TTC16: variants seen among roughly 807,000 people sequenced by gnomAD.
TTC16 encodes tetratricopeptide repeat domain 16.
TTC16 carries 66 observed loss-of-function variants against 80.4 expected under a neutral mutation model. The observed-to-expected ratio is 0.82, with a 90% CI of 0.67 to 1.01. The LOEUF (loss-of-function observed/expected upper bound fraction) is 1.01. Among genes scored for constraint, TTC16 ranks in the 50% least tolerant of loss-of-function variants. TTC16 has a pLI of 0.00. For synonymous variants in TTC16, 438 were observed against 451.3 expected (o/e 0.97, Z 0.37); for missense variants, 1,070 against 1,103.2 (o/e 0.97, Z 0.43).
rs1356640179 is a variant in TTC16 at position 127,723,178 on chromosome 9, G to A, written c.717G>A (p.Gln239=). The part of the protein sequence containing the change: ...SALLLNPKHP[Q]ARMLLQKMVA... ...TGCTGTTGAATCCCAAGCACCCGCA[G>A]GCCAGGATGCTGCTCCAGAAGATGG... is the stretch of plus-strand genomic sequence containing the variant. Residue 239 remains glutamine, a synonymous_variant, in exon 7 of 14, where the codon CAG becomes CAA. Coordinates refer to ENST00000373289, the MANE Select transcript of TTC16 (RefSeq NM_144965.3). The A allele has an allele frequency of 6.2e-7, 1 of 1,612,718 alleles. No individual in the cohort carries two copies. Among genetic ancestry groups the A allele is most frequent in the African/African-American group, 1.3e-5 (1 of 74,936 alleles).
In TTC16 at chr9:127,716,764, C is replaced by T. The variant is rs1056757310; in HGVS notation, c.19-80C>T. ...GCCTCATTTCCGCCTCTCCTCCCTC[C>T]CTGCAGAATGCTGGGGAGTGTGTCA... On this transcript the variant is annotated intron_variant, in intron 1 of 13. Transcript: ENST00000373289. The T allele has an allele frequency of 2.9e-5, 44 of 1,511,176 alleles. No homozygotes were observed. The African/African-American group carries it at 5.3e-4, about 18-fold the overall frequency. The allele number at this position is 1,511,176 out of a possible 1,614,324, so 93.6% of individuals were successfully genotyped here.
At chr9:127,724,626 G>A in intron 8 of TTC16, 130 bp from the exon 9 acceptor site, 1 of 1,311,864 alleles carries the variant, frequency 7.6e-7, no homozygotes, top group Non-Finnish European at 1.0e-6. Context: ...AAACTAGAGA[G>A]GACGGAGACT....
rs1187571613 is a variant in TTC16, at chr9:127,724,262, G to C, written c.1015G>C (p.Val339Leu). The change falls in exon 8 of 14, where the codon GTG (valine) becomes CTG (leucine). Residue 339 changes from valine (V) to leucine (L), a missense_variant. Coordinates refer to ENST00000373289, the MANE Select transcript of TTC16 (RefSeq NM_144965.3). ...QLLLTYNDFA[V>L]HCYRQGAYQE... Reference sequence around the variant, plus strand: ...GTTGCTGACCTACAACGACTTTGCCGTGCACTGCTACAGGCAGGGCGCCTA... The same window carrying C: ...GTTGCTGACCTACAACGACTTTGCCCTGCACTGCTACAGGCAGGGCGCCTA... The C allele has an allele frequency of 6.2e-7, 1 of 1,613,066 alleles. No homozygotes were observed. The highest frequency in any genetic ancestry group is 1.1e-5 in the South Asian group (1 of 91,084).
rs754639544 is a variant in TTC16, at chr9:127,724,324, G to C, written c.1077G>C (p.Arg359=). The part of the protein sequence containing the change: ...EGVLLLNKAL[R]DEQQEKGLYI... ...TGCTGCTGCTGAACAAGGCCCTCCG[G>C]GACGAGCAGCAGGAGAAAGGACTCT... Residue 359 remains arginine, a synonymous_variant, in exon 8 of 14, where the codon CGG becomes CGC. Transcript: ENST00000373289. 2.5e-6 allele frequency: 4 copies of C among 1,612,932 alleles called. No homozygotes were observed. In the South Asian group the frequency reaches 4.4e-5, roughly 18 times the overall value.
intron 12 of TTC16, chr9:127,729,295 T>C: frequency 2.7e-6 from 1 of 376,518 alleles, no homozygotes; most frequent in Non-Finnish European, 5.0e-6. Flanking sequence ...TACAGAAGCC[T>C]GTTCCACACC....
At position 127,720,103 on chromosome 9, in the gene TTC16, C is replaced by T; in HGVS notation, c.452C>T (p.Ala151Val). 6.2e-7 allele frequency: 1 copy of T among 1,613,864 alleles called. No homozygotes were observed. Among genetic ancestry groups the T allele is most frequent in the South Asian group, 1.1e-5 (1 of 91,080 alleles). ...LQGQCLFEQC[A>V]FLDALNVFSH... is the part of the protein sequence containing the mutation. ...GGACAATGCCTTTTTGAGCAGTGTG[C>T]CTTCCTGGATGCCCTGAATGTCTTC... is the stretch of plus-strand genomic sequence containing the variant. The change falls in exon 5 of 14, where the codon GCC becomes GTC. Residue 151 changes from alanine (A) to valine (V), a missense_variant. Coordinates refer to ENST00000373289, the MANE Select transcript of TTC16 (RefSeq NM_144965.3).
intron 9 of TTC16, 92 bp downstream of exon 9, chr9:127,724,989 C>A (rs1843817131): frequency 1.4e-6 from 2 of 1,386,052 alleles, no homozygotes; most frequent in Non-Finnish European, 1.9e-6. Flanking sequence ...GTCAATCAAG[C>A]TGCTTCTCTC....
In TTC16 at chr9:127,724,344, G is replaced by A. The variant is rs746915041; in HGVS notation, c.1097G>A (p.Gly366Glu). 9.4e-6 allele frequency: 15 copies of A among 1,603,626 alleles called. No homozygotes were observed. In the South Asian group the frequency reaches 1.4e-4, roughly 15 times the overall value. ...KALRDEQQEK[G>E]LYINRGDCFF... Reference sequence around the variant, plus strand: ...CTCCGGGACGAGCAGCAGGAGAAAGGACTCTACATCAACCGAGGCGGTGCG... The same window carrying A: ...CTCCGGGACGAGCAGCAGGAGAAAGAACTCTACATCAACCGAGGCGGTGCG... Residue 366 changes from glycine to glutamate, a missense_variant, in exon 8 of 14, where the codon GGA (glycine) becomes GAA (glutamate). Transcript: ENST00000373289.
chr9:127,728,391 A>G (rs1310032804), intron 12 of TTC16: 1 of 152,134 alleles, frequency 6.6e-6, no homozygotes, highest in African/African-American at 2.4e-5. Context: ...CGTCCTTGAC[A>G]GTCCCACAGT....
Position 127,727,332 on chromosome 9 carries a change from AG to A in TTC16, c.1636del (p.Glu546SerfsTer3). 1 of 1,603,356 alleles carries A rather than the reference AG, an allele frequency of 6.2e-7. No homozygotes were observed. The highest frequency in any genetic ancestry group is 8.5e-7 in the Non-Finnish European group (1 of 1,172,908). ...TTGGCCCTGCAGCACTCATGGAAGC[AG>A]GGGGAGCCTTTGATTGCGACCTCCG... ...KALALQHSWK[Q>X]GEPLIATSEE... On this transcript the variant is annotated frameshift_variant, in exon 12 of 14. Coordinates refer to ENST00000373289, the MANE Select transcript of TTC16 (RefSeq NM_144965.3). LOFTEE classifies it high-confidence loss of function.
intron 10 of TTC16, among the ~76,000 whole-genome samples, 162 bp from the exon 11 acceptor site, chr9:127,726,787 CAAAAAAAAAAAAAAAAAAAAA>C (rs55676226): frequency 7.8e-6 from 1 of 127,738 alleles, no homozygotes; most frequent in Admixed American, 8.7e-5. Context: ...GACTCTGTCT[CAAAAAAAAAAAAAAAAAAAAA>C]AAAAAAAAAA....
rs761718931 is a variant in TTC16 at position 127,717,751 on chromosome 9, C to T, written c.405C>T (p.Leu135=). The T allele has an allele frequency of 1.9e-6, 3 of 1,613,660 alleles. No individual in the cohort carries two copies. The highest frequency in any genetic ancestry group is 1.3e-5 in the African/African-American group (1 of 75,072). ...ACAACTGCAAGCACCTGGAGCGCCT[C>T]ACCTTTGTGCTCTACCTACAGGTGC... is the stretch of plus-strand genomic sequence containing the variant. The part of the protein sequence containing the change: ...QQDNCKHLER[L]TFVLYLQGQC... The change falls in exon 4 of 14, where the codon CTC becomes CTT. Residue 135 remains leucine (L), a synonymous_variant. Transcript: ENST00000373289.
rs954032011 is a variant in TTC16 at position 127,729,783 on chromosome 9, G to C, written c.1852+115G>C. ...GCGTTCGGCCCCGCTGCTGACAGCT[G>C]GGTGGCCTGGGGCGAGTGGCTCTAG... On this transcript the variant is annotated intron_variant, in intron 13 of 13. Coordinates refer to ENST00000373289, the MANE Select transcript of TTC16 (RefSeq NM_144965.3). 15 of 893,790 alleles carry C rather than the reference G, an allele frequency of 1.7e-5. No homozygotes were observed. In the East Asian group the frequency reaches 3.9e-4, roughly 23 times the overall value. 55.4% of individuals were successfully genotyped at this position (893,790 alleles called of 1,614,324 possible).
Position 127,723,144 on chromosome 9 carries a change from A to G in TTC16, c.683A>G (p.His228Arg). ...CCCCACCTCTGCTACCGGGACCTGC[A>G]CAGCGCCTTGCTGTTGAATCCCAAG... is the stretch of plus-strand genomic sequence containing the variant. ...QKPHLCYRDLHSALLLNPKHP... is the reference protein window; with the variant it reads ...QKPHLCYRDLRSALLLNPKHP... The change falls in exon 7 of 14, where the codon CAC becomes CGC. Residue 228 changes from histidine (H) to arginine (R), a missense_variant. Coordinates refer to ENST00000373289, the MANE Select transcript of TTC16 (RefSeq NM_144965.3). 6.2e-7 allele frequency: 1 copy of G among 1,612,302 alleles called. No individual in the cohort carries two copies. Among genetic ancestry groups the G allele is most frequent in the Non-Finnish European group, 8.5e-7 (1 of 1,179,992 alleles).
chr9:127,731,274 G>T lies in TTC16; in HGVS notation c.2491G>T (p.Ala831Ser), dbSNP rs926740155. 6.2e-7 allele frequency: 1 copy of T among 1,613,170 alleles called. No homozygotes were observed. The highest frequency in any genetic ancestry group is 1.3e-5 in the African/African-American group (1 of 74,946). The change falls in exon 14 of 14, where the codon GCT becomes TCT. Residue 831 changes from alanine to serine, a missense_variant. Coordinates refer to ENST00000373289, the MANE Select transcript of TTC16 (RefSeq NM_144965.3). ...AQGQGQRSSK[A>S]EGAQGKSQGM... ...AGGCCAGGGCCAGAGGTCCAGCAAG[G>T]CTGAGGGTGCCCAGGGCAAGAGCCA... is the stretch of plus-strand genomic sequence containing the variant.
chr9:127,724,399 G>T (rs769040399), intron 8 of TTC16, 35 bp downstream of exon 8: 1 of 1,604,820 alleles, frequency 6.2e-7, no homozygotes, highest in Non-Finnish European at 8.5e-7. Flanking sequence ...GAGGGGGGGT[G>T]CGGGGGAGCC....
chr9:127,720,036 G>A (rs1843324610), intron 4 of TTC16, 42 bp from the exon 5 acceptor site: 1 of 1,587,666 alleles, frequency 6.3e-7, no homozygotes, highest in Admixed American at 1.7e-5. Flanking sequence ...GTGCAGCTGG[G>A]CTGGGGTGGC....
At chr9:127,727,150 G>A in intron 11 of TTC16, 38 bp downstream of exon 11, 1 of 1,540,720 alleles carries the variant, frequency 6.5e-7, no homozygotes, top group Non-Finnish European at 8.8e-7. Context: ...CAGGGCTGGG[G>A]AATGGCTGCA....
Position 127,724,226 on chromosome 9 carries a change from C to T in TTC16, c.979C>T (p.Gln327Ter). 6.2e-7 allele frequency: 1 copy of T among 1,613,122 alleles called. No individual in the cohort carries two copies. Among genetic ancestry groups the T allele is most frequent in the Non-Finnish European group, 8.5e-7 (1 of 1,180,036 alleles). Residue 327 changes from glutamine to a stop codon, truncating the protein, a stop_gained, in exon 8 of 14, where the codon CAG becomes TAG. Transcript: ENST00000373289. LOFTEE classifies it high-confidence loss of function. ...EDQEDMVRQAQRQLLLTYNDF... is the reference protein window; with the variant it reads ...EDQEDMVRQA ...CCAGGAGGACATGGTGCGGCAGGCA[C>T]AGCGCCAGCTGTTGCTGACCTACAA... is the stretch of plus-strand genomic sequence containing the variant.
Sources: gnomAD v4.1 joint callset for allele counts (sites outside exome capture counted in the v4.1 genomes callset) on GRCh38, gnomAD v4.1.1 for gene constraint, MANE v1.5 for transcripts, NCBI Gene and HGNC (gene_info 2026-07-23, HGNC 2026-07-21) for gene names.